GABRG2: variants seen among roughly 807,000 people sequenced by gnomAD.
The protein encoded by GABRG2 is gamma-aminobutyric acid type A receptor subunit gamma2.
A neutral mutation model predicts 56.4 loss-of-function variants in GABRG2; 16 were observed. The observed-to-expected ratio is 0.28, with a 90% CI of 0.19 to 0.43. GABRG2 has a LOEUF of 0.43. Ranked by LOEUF, GABRG2 falls within the 20% of genes least tolerant of loss-of-function variation. GABRG2 has a pLI of 1.00. For synonymous variants in GABRG2, 208 were observed against 205.5 expected (o/e 1.01, Z -0.10); for missense variants, 327 against 582.7 (o/e 0.56, Z 4.52).
intron 4 of GABRG2, chr5:162,098,465 T>C (rs1282038832): frequency 6.6e-6 from 1 of 151,698 alleles, no homozygotes; most frequent in Non-Finnish European, 1.5e-5. Context: ...GCTACCTTAA[T>C]AAAATAATTA....
chr5:162,080,548 A>G (rs993771542), intron 1 of GABRG2, among the ~76,000 whole-genome samples: 2 of 152,160 alleles, frequency 1.3e-5, no homozygotes, highest in Non-Finnish European at 2.9e-5. Flanking sequence ...GCAGAAAGCT[A>G]TTTCCTAATG....
chr5:162,107,087 C>G (rs569976830), intron 6 of GABRG2, among the ~76,000 whole-genome samples: 1 of 152,250 alleles, frequency 6.6e-6, no homozygotes, highest in Admixed American at 6.5e-5. Flanking sequence ...CCCCCACTTA[C>G]AAGTGAGAAC....
intron 4 of GABRG2, 174 bp downstream of exon 4, chr5:162,098,032 T>C: frequency 3.2e-6 from 2 of 619,176 alleles, no homozygotes; most frequent in South Asian, 4.0e-5. Flanking sequence ...TTTCTTTTTG[T>C]TATCAATGAG....
intron 7 of GABRG2, among the ~76,000 whole-genome samples, chr5:162,145,037 G>A (rs1764853459): frequency 6.6e-6 from 1 of 151,920 alleles, no homozygotes; most frequent in African/African-American, 2.4e-5. Context: ...ACTTCATTGA[G>A]TCCCATTACT....
At position 162,109,389 on chromosome 5, in the gene GABRG2, A is replaced by ATATAT. The variant is rs1554098562; in HGVS notation, c.769+5363_769+5364insTATAT. ...ACATGTACCCTAGAACTTAAAGTAT[A>ATATAT]ATATATATATATATATATATATATA... is the stretch of plus-strand genomic sequence containing the variant. On this transcript the variant is annotated intron_variant, in intron 6 of 9. Coordinates refer to ENST00000639213, the MANE Select transcript of GABRG2 (RefSeq NM_198904.4). Among the ~76,000 whole-genome samples the ATATAT allele has an allele frequency of 6.9e-3, 796 of 116,192 alleles. 33 individuals carry two copies. Among genetic ancestry groups the ATATAT allele is most frequent in the African/African-American group, 0.029 (743 of 25,970 alleles). 76.2% of individuals were successfully genotyped at this position (116,192 alleles called of 152,430 possible).
rs567556037 is a variant in GABRG2, at chr5:162,134,966, T to C, written c.770-7198T>C. ...ATTTAAACCAGAAAAATTATGTGAA[T>C]GCACTTTTTAAAATTATATTTCCCT... On this transcript the variant is annotated intron_variant, in intron 6 of 9. Coordinates refer to ENST00000639213, the MANE Select transcript of GABRG2 (RefSeq NM_198904.4). Among the ~76,000 whole-genome samples, 306 of 152,308 alleles carry C rather than the reference T, an allele frequency of 2.0e-3. 1 individual carries two copies. The highest frequency in any genetic ancestry group is 3.5e-3 in the Non-Finnish European group (240 of 68,028).
At chr5:162,127,965 G>T (rs1203405492) in intron 6 of GABRG2, among the ~76,000 whole-genome samples, 1 of 152,014 alleles carries the variant, frequency 6.6e-6, no homozygotes, top group African/African-American at 2.4e-5. Context: ...CAGGTGCCCT[G>T]TGTGAAGTTA....
intron 6 of GABRG2, among the ~76,000 whole-genome samples, chr5:162,121,551 T>A (rs1170984001): frequency 6.6e-6 from 1 of 152,092 alleles, no homozygotes; most frequent in Non-Finnish European, 1.5e-5. Flanking sequence ...TATTCATTAA[T>A]AACTTATAAA....
chr5:162,111,232 C>T (rs1309520266), intron 6 of GABRG2, among the ~76,000 whole-genome samples: 1 of 152,064 alleles, frequency 6.6e-6, no homozygotes, highest in Non-Finnish European at 1.5e-5. Context: ...GCAGTTTTCC[C>T]CCCTATCTAT....
At chr5:162,130,790 G>A (rs1763687325) in intron 6 of GABRG2, among the ~76,000 whole-genome samples, 1 of 151,840 alleles carries the variant, frequency 6.6e-6, no homozygotes, top group South Asian at 2.1e-4. Flanking sequence ...CTCCTCCAAG[G>A]CTAATATTTG....
rs765537582 is a variant in GABRG2 at position 162,130,571 on chromosome 5, G to A, written c.770-11593G>A. ...GTGAAAATGACAAGAAAAATAAAGCGCTTCTACTAATACGCTTATTTCTCC... is the reference window on the plus strand; with the variant it reads ...GTGAAAATGACAAGAAAAATAAAGCACTTCTACTAATACGCTTATTTCTCC... On this transcript the variant is annotated intron_variant, in intron 6 of 9. Transcript: ENST00000639213. 2.4e-4 allele frequency among the ~76,000 whole-genome samples: 37 copies of A among 151,794 alleles called. 1 individual carries two copies. The highest frequency in any genetic ancestry group is 6.2e-4 in the South Asian group (3 of 4,814).
chr5:162,107,722 T>C (rs1761938479), intron 6 of GABRG2, among the ~76,000 whole-genome samples: 1 of 152,200 alleles, frequency 6.6e-6, no homozygotes, highest in Admixed American at 6.5e-5. Context: ...TTCCTGATTG[T>C]TCTATATCTG....
Position 162,142,749 on chromosome 5 carries a change from T to C in GABRG2, c.922+433T>C, listed in dbSNP as rs565001024. On this transcript the variant is annotated intron_variant, in intron 7 of 9. Coordinates refer to ENST00000639213, the MANE Select transcript of GABRG2 (RefSeq NM_198904.4). ...GAACATCACACACCGGGGCCTGTTG[T>C]GGGGTGGAGGGATTGGGGAGGAAAA... is the stretch of plus-strand genomic sequence containing the variant. 199 of 302,514 alleles carry C rather than the reference T, an allele frequency of 6.6e-4. 2 individuals are homozygous for C. Among genetic ancestry groups the C allele is most frequent in the South Asian group, 5.4e-3 (174 of 32,262 alleles). 18.7% of individuals were successfully genotyped at this position (302,514 alleles called of 1,614,324 possible). A position where few individuals can be genotyped will look rare whatever the true frequency, so the allele number is the denominator to read the frequency against.
intron 4 of GABRG2, chr5:162,099,173 A>G (rs1422888523): frequency 6.6e-6 from 1 of 152,182 alleles, no homozygotes; most frequent in Non-Finnish European, 1.5e-5. Context: ...TATTAGAAAA[A>G]GCCACAATTC....
intron 7 of GABRG2, chr5:162,142,774 A>C (rs957454042): frequency 3.5e-6 from 1 of 285,300 alleles, no homozygotes; most frequent in Admixed American, 4.8e-5. Context: ...GGGGAGGAAA[A>C]GCATTAGGAG....
chr5:162,114,459 C>A (rs1226186958), intron 6 of GABRG2, among the ~76,000 whole-genome samples: 1 of 151,870 alleles, frequency 6.6e-6, no homozygotes, highest in East Asian at 1.9e-4. Flanking sequence ...ATCGCTTGAA[C>A]CCAGGAGGCA....
At chr5:162,130,447 C>T (rs910399638) in intron 6 of GABRG2, among the ~76,000 whole-genome samples, 6 of 151,890 alleles carry the variant, frequency 4.0e-5, no homozygotes, top group African/African-American at 1.5e-4. Context: ...TTAGGTTTCT[C>T]TACCTCTGTG....
At chr5:162,069,144 A>G (rs2113092375) in intron 1 of GABRG2, among the ~76,000 whole-genome samples, 1 of 152,320 alleles carries the variant, frequency 6.6e-6, no homozygotes, top group African/African-American at 2.4e-5. Context: ...TAAGAGTATT[A>G]GAGGAGCAAC....
chr5:162,110,283 T>C (rs969939289), intron 6 of GABRG2, among the ~76,000 whole-genome samples: 1 of 152,134 alleles, frequency 6.6e-6, no homozygotes, highest in Admixed American at 6.6e-5. Context: ...ATATACTGTA[T>C]CTTTACGTGT....
Sources: gnomAD v4.1 joint callset for allele counts (sites outside exome capture counted in the v4.1 genomes callset) on GRCh38, gnomAD v4.1.1 for gene constraint, MANE v1.5 for transcripts, NCBI Gene and HGNC (gene_info 2026-07-23, HGNC 2026-07-21) for gene names.